The following TRAM2 variants were observed in gnomAD, a reference collection of about 807,000 sequenced individuals.
The protein encoded by TRAM2 is translocation associated membrane protein 2, also known as translocating chain-associated membrane protein 2.
In TRAM2, 12 loss-of-function variants were observed where a neutral mutation model predicts 51.0. The ratio of observed to expected loss-of-function variants is 0.24; its 90% CI spans 0.15 to 0.38. The LOEUF is 0.38. TRAM2 is among the 10% of genes least tolerant of loss of function. The pLI is 1.00. For synonymous variants in TRAM2, 175 were observed against 179.4 expected (o/e 0.98, Z 0.20); for missense variants, 361 against 462.0 (o/e 0.78, Z 2.00).
At chr6:52,558,747 T>C (rs1023343781) in intron 1 of TRAM2, among the ~76,000 whole-genome samples, 1 of 152,158 alleles carries the variant, frequency 6.6e-6, no homozygotes, top group African/African-American at 2.4e-5. Context: ...AATCATGATT[T>C]GCTGCAACAA....
chr6:52,509,750 C>T (rs1766420152), intron 4 of TRAM2, among the ~76,000 whole-genome samples, 164 bp from the exon 5 acceptor site: 1 of 152,078 alleles, frequency 6.6e-6, no homozygotes, highest in South Asian at 2.1e-4. Context: ...GGACCCCTGG[C>T]GCTTGGCTGG....
chr6:52,571,052 T>A (rs1356310475), intron 1 of TRAM2, among the ~76,000 whole-genome samples: 2 of 151,860 alleles, frequency 1.3e-5, no homozygotes, highest in African/African-American at 4.9e-5. Flanking sequence ...AGGAACCATG[T>A]TAGTACTTTT....
chr6:52,507,942 A>G (rs1766378606), intron 6 of TRAM2, among the ~76,000 whole-genome samples: 1 of 152,234 alleles, frequency 6.6e-6, no homozygotes. Context: ...AAAAATAAAA[A>G]AAGACTATGG....
chr6:52,561,459 T>C (rs989647200), intron 1 of TRAM2, among the ~76,000 whole-genome samples: 2 of 151,206 alleles, frequency 1.3e-5, no homozygotes, highest in African/African-American at 2.4e-5. Flanking sequence ...ATTTCTTTTA[T>C]ACTTTAGTAG....
At chr6:52,545,343 C>T (rs1354763025) in intron 1 of TRAM2, among the ~76,000 whole-genome samples, 1 of 152,164 alleles carries the variant, frequency 6.6e-6, no homozygotes, top group Non-Finnish European at 1.5e-5. Context: ...GTCCCCCACC[C>T]GAGGCCCATT....
At chr6:52,561,926 A>G (rs929862027) in intron 1 of TRAM2, among the ~76,000 whole-genome samples, 3 of 152,184 alleles carry the variant, frequency 2.0e-5, no homozygotes, top group African/African-American at 7.2e-5. Context: ...TCTTTTGAAG[A>G]TGATGGAAAT....
chr6:52,570,489 C>T (rs868829986), intron 1 of TRAM2, among the ~76,000 whole-genome samples: 4 of 152,272 alleles, frequency 2.6e-5, no homozygotes, highest in Admixed American at 6.5e-5. Context: ...GTGAGCCAGA[C>T]GTTGCTGAGT....
chr6:52,555,875 G>A (rs1346775111), intron 1 of TRAM2, among the ~76,000 whole-genome samples: 1 of 152,158 alleles, frequency 6.6e-6, no homozygotes, highest in Non-Finnish European at 1.5e-5. Flanking sequence ...ATTTTTTAAA[G>A]TGGAAGAGCT....
intron 5 of TRAM2, among the ~76,000 whole-genome samples, chr6:52,508,872 A>G (rs1766397854): frequency 6.6e-6 from 1 of 152,164 alleles, no homozygotes; most frequent in East Asian, 1.9e-4. Context: ...CATCTCTACT[A>G]AAAATACAAA....
chr6:52,561,535 G>C (rs1767501426), intron 1 of TRAM2, among the ~76,000 whole-genome samples: 1 of 150,160 alleles, frequency 6.7e-6, no homozygotes, highest in Non-Finnish European at 1.5e-5. Flanking sequence ...GCCCAGGCTG[G>C]AGTGCAGTGG....
At chr6:52,539,443 A>C (rs1409818336) in intron 1 of TRAM2, among the ~76,000 whole-genome samples, 3 of 152,210 alleles carry the variant, frequency 2.0e-5, no homozygotes, top group African/African-American at 7.2e-5. Context: ...ACAAATAATA[A>C]GGATCAAACG....
chr6:52,554,208 C>A (rs1022568213), intron 1 of TRAM2, among the ~76,000 whole-genome samples: 5 of 152,186 alleles, frequency 3.3e-5, no homozygotes, highest in Non-Finnish European at 5.9e-5. Context: ...GATGCGGAGG[C>A]AGGGCATCCC....
In TRAM2 at chr6:52,501,624, G is replaced by GC. The variant is rs1766226366; in HGVS notation, c.*1572dup. 6.6e-6 allele frequency: 1 copy of GC among 152,194 alleles called. No individual in the cohort carries two copies. Among genetic ancestry groups the GC allele is most frequent in the Non-Finnish European group, 1.5e-5 (1 of 68,064 alleles). 9.4% of individuals were successfully genotyped at this position (152,194 alleles called of 1,614,324 possible). On this transcript the variant is annotated 3_prime_UTR_variant, in exon 11 of 11. Coordinates refer to ENST00000182527, the MANE Select transcript of TRAM2 (RefSeq NM_012288.4). Reference sequence around the variant, plus strand: ...TGCCATGGTACAATCTCCGCTCACTGCAACCTCCGCCTTCTAGGTTCAAGC... The same window carrying GC: ...TGCCATGGTACAATCTCCGCTCACTGCCAACCTCCGCCTTCTAGGTTCAAGC...
chr6:52,547,584 T>G (rs1430761618), intron 1 of TRAM2, among the ~76,000 whole-genome samples: 1 of 152,252 alleles, frequency 6.6e-6, no homozygotes, highest in Non-Finnish European at 1.5e-5. Context: ...TTCTGCTATT[T>G]AATCAATTCT....
chr6:52,536,378 G>GT (rs1766977833), intron 1 of TRAM2, among the ~76,000 whole-genome samples: 2 of 152,196 alleles, frequency 1.3e-5, no homozygotes, highest in African/African-American at 2.4e-5. Flanking sequence ...GGGGCCAGAA[G>GT]TAACATCCCA....
At chr6:52,554,973 C>T (rs1043735251) in intron 1 of TRAM2, among the ~76,000 whole-genome samples, 20 of 152,032 alleles carry the variant, frequency 1.3e-4, no homozygotes, top group Admixed American at 2.0e-4. Flanking sequence ...CTCAGCCTCC[C>T]GAAGTGCTGA....
At chr6:52,505,812 G>T in intron 8 of TRAM2, 70 bp from the exon 9 acceptor site, 1 of 1,536,888 alleles carries the variant, frequency 6.5e-7, no homozygotes, top group Non-Finnish European at 8.8e-7. Flanking sequence ...CACTTCTCCA[G>T]AAGAGACCCC....
rs1300400119 is a variant in TRAM2, at chr6:52,577,017, C to T, written c.-102G>A. 5 of 1,289,016 alleles carry T rather than the reference C, an allele frequency of 3.9e-6. No individual in the cohort carries two copies. Among genetic ancestry groups the T allele is most frequent in the Non-Finnish European group, 4.9e-6 (5 of 1,016,568 alleles). The allele number at this position is 1,289,016 out of a possible 1,614,324, so 79.8% of individuals were successfully genotyped here. A position where few individuals can be genotyped will look rare whatever the true frequency, so the allele number is the denominator to read the frequency against. ...CCCGGTCCGCCCGCCGGCCCGCCGC[C>T]CGCTCTCCCACAGCCGCTCGCCCGC... On this transcript the variant is annotated 5_prime_UTR_variant, in exon 1 of 11. Transcript: ENST00000182527.
chr6:52,543,078 C>T (rs921223774), intron 1 of TRAM2, among the ~76,000 whole-genome samples: 2 of 152,262 alleles, frequency 1.3e-5, no homozygotes, highest in South Asian at 2.1e-4. Context: ...TGGCCTTCTA[C>T]GTGCTTTATA....
Sources: allele counts gnomAD v4.1 joint callset (sites outside exome capture counted in the v4.1 genomes callset), GRCh38; gene constraint gnomAD v4.1.1; transcripts MANE v1.5; gene names NCBI Gene and HGNC (gene_info 2026-07-23, HGNC 2026-07-21).